Variants in GLRB observed in about 807,000 individuals in gnomAD.
GLRB encodes the protein glycine receptor subunit beta.
A neutral mutation model predicts 54.2 loss-of-function variants in GLRB; 33 were observed. The observed-to-expected ratio is 0.61, with a 90% CI of 0.46 to 0.81. GLRB has a LOEUF of 0.81. Ranked by LOEUF, GLRB falls within the 40% of genes least tolerant of loss-of-function variation. The probability of loss-of-function intolerance (pLI) is 0.00; values close to 1 mark genes in which losing one functional copy is unlikely to be tolerated. For synonymous variants in GLRB, 209 were observed against 208.2 expected, an observed-to-expected ratio of 1.00 and a Z score of -0.03; for missense variants, 572 against 584.6, an observed-to-expected ratio of 0.98 and a Z score of 0.22.
At chr4:157,154,948 A>G (rs1176228488) in intron 9 of GLRB, among the ~76,000 whole-genome samples, 2 of 152,134 alleles carry the variant, frequency 1.3e-5, no homozygotes, top group Non-Finnish European at 2.9e-5. Flanking sequence ...GCTGATGTTT[A>G]TAATTGTCTT....
At chr4:157,147,468 G>A (rs190253589) in intron 8 of GLRB, among the ~76,000 whole-genome samples, 1 of 152,090 alleles carries the variant, frequency 6.6e-6, no homozygotes, top group Non-Finnish European at 1.5e-5. Flanking sequence ...AGAAGATGAG[G>A]GGGGGATTGG....
In GLRB at chr4:157,142,816, G is replaced by T. The variant is rs757458083; in HGVS notation, c.752-991G>T. Among the ~76,000 whole-genome samples, 19 of 152,148 alleles carry T rather than the reference G, an allele frequency of 1.2e-4. No homozygotes were observed. In the South Asian group the frequency reaches 3.1e-3, roughly 25 times the overall value. On this transcript the variant is annotated intron_variant, in intron 7 of 9. Coordinates refer to ENST00000264428, the MANE Select transcript of GLRB (RefSeq NM_000824.5). ...ATAGATATTTTATTTTGCTATTTAT[G>T]CACAATCTTACATTTGTAAAATGGC...
chr4:157,086,864 G>A (rs767886216), intron 2 of GLRB, among the ~76,000 whole-genome samples: 87 of 151,948 alleles, frequency 5.7e-4, no homozygotes, highest in Admixed American at 1.0e-3. Flanking sequence ...AGATCTCATG[G>A]GCCTATGATT....
chr4:157,113,225 T>A (rs932957290), intron 2 of GLRB, among the ~76,000 whole-genome samples: 6 of 151,952 alleles, frequency 3.9e-5, no homozygotes, highest in African/African-American at 1.4e-4. Flanking sequence ...TGAGAAAAGC[T>A]AAGTATCATC....
At chr4:157,124,224 A>G (rs1735934402) in intron 4 of GLRB, among the ~76,000 whole-genome samples, 1 of 151,756 alleles carries the variant, frequency 6.6e-6, no homozygotes, top group Non-Finnish European at 1.5e-5. Flanking sequence ...TACCAGATTC[A>G]ATAAATTCTC....
chr4:157,089,309 G>C (rs1024249980), intron 2 of GLRB, among the ~76,000 whole-genome samples: 3 of 152,104 alleles, frequency 2.0e-5, no homozygotes, highest in Non-Finnish European at 4.4e-5. Context: ...TGAGGTGGGA[G>C]AATCACCTGA....
chr4:157,080,178 T>A (rs1734175258), intron 2 of GLRB, among the ~76,000 whole-genome samples: 1 of 152,204 alleles, frequency 6.6e-6, no homozygotes. Flanking sequence ...AAGTTAAATT[T>A]AGTAGATAAA....
In GLRB at chr4:157,143,669, G is replaced by T. The variant is rs1336512743; in HGVS notation, c.752-138G>T. 2.2e-5 allele frequency: 19 copies of T among 844,766 alleles called. No individual in the cohort carries two copies. The South Asian group carries it at 2.5e-4, about 11-fold the overall frequency. The allele number at this position is 844,766 out of a possible 1,614,324, so 52.3% of individuals were successfully genotyped here. A position where few individuals can be genotyped will look rare whatever the true frequency, so the allele number is the denominator to read the frequency against. On this transcript the variant is annotated intron_variant, in intron 7 of 9. Coordinates refer to ENST00000264428, the MANE Select transcript of GLRB (RefSeq NM_000824.5). ...ATCACATAAATTATATATCTGCAAAGAAAAACTTTTTTTTGAGGCATTTCC... is the reference window on the plus strand; with the variant it reads ...ATCACATAAATTATATATCTGCAAATAAAAACTTTTTTTTGAGGCATTTCC...
At chr4:157,144,997 A>G (rs1258278310) in intron 8 of GLRB, among the ~76,000 whole-genome samples, 1 of 152,228 alleles carries the variant, frequency 6.6e-6, no homozygotes, top group Admixed American at 6.5e-5. Context: ...TACATGTATT[A>G]TATTTACTGG....
chr4:157,097,998 G>C lies in GLRB; in HGVS notation c.122+19852G>C, dbSNP rs143199166. Among the ~76,000 whole-genome samples the C allele has an allele frequency of 7.6e-3, 1,153 of 152,250 alleles. 15 individuals are homozygous for C. The highest frequency in any genetic ancestry group is 0.026 in the African/African-American group (1,065 of 41,542). On this transcript the variant is annotated intron_variant, in intron 2 of 9. Transcript: ENST00000264428. ...ATCCTGCCACTGCTTTCCAGCCTGG[G>C]GGACAAGAGTGAGACTTTGTCTCAA...
chr4:157,162,609 CCT>C (rs960655914), intron 9 of GLRB, among the ~76,000 whole-genome samples: 80 of 152,244 alleles, frequency 5.3e-4, no homozygotes, highest in Admixed American at 1.7e-3. Flanking sequence ...CACTCCAGCC[CCT>C]GTTTGCCTGG....
intron 2 of GLRB, among the ~76,000 whole-genome samples, chr4:157,107,165 C>T (rs1234662325): frequency 2.0e-5 from 3 of 152,068 alleles, no homozygotes; most frequent in Non-Finnish European, 4.4e-5. Context: ...TCTGTCTTTT[C>T]ATCTCCCTCC....
intron 9 of GLRB, among the ~76,000 whole-genome samples, chr4:157,165,508 G>A (rs1737671997): frequency 6.6e-6 from 1 of 151,824 alleles, no homozygotes; most frequent in African/African-American, 2.4e-5. Context: ...GCTTCCTAAG[G>A]AAATGAATGA....
At position 157,171,515 on chromosome 4, in the gene GLRB, C is replaced by G. The variant is rs573286942; in HGVS notation, c.*787C>G. ...ATTTCATTTGTTGGTACATATTACA[C>G]AAAACATTGTGCCTTAAAATGAGTC... On this transcript the variant is annotated 3_prime_UTR_variant, in exon 10 of 10. Coordinates refer to ENST00000264428, the MANE Select transcript of GLRB (RefSeq NM_000824.5). The G allele has an allele frequency of 2.6e-5, 4 of 152,186 alleles. No homozygotes were observed. The highest frequency in any genetic ancestry group is 9.7e-5 in the African/African-American group (4 of 41,400). The allele number at this position is 152,186 out of a possible 1,614,324, so 9.4% of individuals were successfully genotyped here.
At chr4:157,098,678 G>C (rs1355686127) in intron 2 of GLRB, among the ~76,000 whole-genome samples, 3 of 151,968 alleles carry the variant, frequency 2.0e-5, no homozygotes, top group South Asian at 2.1e-4. Flanking sequence ...CATGATCTCG[G>C]CTCAGCAACC....
At chr4:157,098,384 C>T (rs1379262865) in intron 2 of GLRB, among the ~76,000 whole-genome samples, 1 of 152,098 alleles carries the variant, frequency 6.6e-6, no homozygotes, top group African/African-American at 2.4e-5. Context: ...AGGGAGAATG[C>T]TCTGATTGTA....
chr4:157,139,004 T>G, intron 7 of GLRB, 55 bp downstream of exon 7: 1 of 976,292 alleles, frequency 1.0e-6, no homozygotes, highest in Non-Finnish European at 1.7e-6. Context: ...ACATTTTAAT[T>G]AATACATAGC....
At chr4:157,162,042 T>C (rs1737516825) in intron 9 of GLRB, among the ~76,000 whole-genome samples, 1 of 152,208 alleles carries the variant, frequency 6.6e-6, no homozygotes, top group Admixed American at 6.5e-5. Flanking sequence ...TTTTACTCTT[T>C]TTTATCTAAA....
intron 2 of GLRB, among the ~76,000 whole-genome samples, chr4:157,088,281 TG>T (rs146568736): frequency 0.044 from 6,754 of 152,232 alleles, 488 homozygotes; most frequent in African/African-American, 0.15. Context: ...AGTGATACCA[TG>T]GGCATGGCTG....
Sources: allele counts gnomAD v4.1 joint callset (sites outside exome capture counted in the v4.1 genomes callset), GRCh38; gene constraint gnomAD v4.1.1; transcripts MANE v1.5; gene names NCBI Gene and HGNC (gene_info 2026-07-23, HGNC 2026-07-21).